Variants in CDCA7L observed in about 807,000 individuals in gnomAD.
CDCA7L encodes the protein cell division cycle-associated 7-like protein.
Under a neutral mutation model 57.4 loss-of-function variants are expected in CDCA7L, and 44 were observed. The ratio of observed to expected loss-of-function variants is 0.77; its 90% confidence interval spans 0.60 to 0.98. The LOEUF is 0.98. Ranked by LOEUF, CDCA7L falls within the 50% of genes least tolerant of loss-of-function variation. CDCA7L has a pLI of 0.00. For synonymous variants in CDCA7L, 236 were observed against 202.8 expected (o/e 1.16, Z -1.39); for missense variants, 644 against 580.6 (o/e 1.11, Z -1.12).
chr7:21,912,235 G>C lies in CDCA7L; in HGVS notation c.166-481C>G, dbSNP rs79488790. ...TGCACACCAATGCACTCCAGCCTGC[G>C]TTGCAGCCAAGATCACACCATTGCA... On this transcript the variant is annotated intron_variant, in intron 2 of 9. Transcript: ENST00000406877. 7.3e-3 allele frequency among the ~76,000 whole-genome samples: 1,109 copies of C among 152,152 alleles called. 16 individuals carry two copies. The highest frequency in any genetic ancestry group is 0.025 in the African/African-American group (1,045 of 41,518).
At chr7:21,944,331 A>C (rs1786438260) in intron 1 of CDCA7L, among the ~76,000 whole-genome samples, 1 of 150,854 alleles carries the variant, frequency 6.6e-6, no homozygotes. Context: ...GGCGCCTGTA[A>C]TCCCAGCTAC....
chr7:21,901,242 T>G lies in CDCA7L; in HGVS notation c.*1080A>C. 1 of 1,611,702 alleles carries G rather than the reference T, an allele frequency of 6.2e-7. No individual in the cohort carries two copies. The highest frequency in any genetic ancestry group is 8.5e-7 in the Non-Finnish European group (1 of 1,178,596). On this transcript the variant is annotated 3_prime_UTR_variant, in exon 10 of 10. Transcript: ENST00000406877. ...GGGTTCTGGCTGGAGTGGCTCTGCT[T>G]CTAGAAGCGTAAGGTAACACTGGCA...
chr7:21,938,563 A>G (rs923937698), intron 1 of CDCA7L, among the ~76,000 whole-genome samples: 3 of 152,222 alleles, frequency 2.0e-5, no homozygotes, highest in African/African-American at 7.2e-5. Context: ...CACACCCAGA[A>G]CAACTGAAAG....
intron 1 of CDCA7L, among the ~76,000 whole-genome samples, chr7:21,921,374 G>C (rs1030476338): frequency 2.2e-5 from 3 of 137,458 alleles, no homozygotes; most frequent in Non-Finnish European, 4.6e-5. Flanking sequence ...AAATATTCAA[G>C]TGTCCTCAAT....
intron 1 of CDCA7L, among the ~76,000 whole-genome samples, chr7:21,917,386 T>C (rs942289637): frequency 1.3e-5 from 2 of 152,198 alleles, no homozygotes; most frequent in African/African-American, 4.8e-5. Flanking sequence ...CTTTTCTTCT[T>C]TTCTATATTG....
intron 4 of CDCA7L, among the ~76,000 whole-genome samples, chr7:21,907,448 G>A (rs1002696945): frequency 2.6e-5 from 4 of 151,508 alleles, no homozygotes; most frequent in Non-Finnish European, 5.9e-5. Flanking sequence ...ATGCTAAAAG[G>A]GATAAGTGGT....
intron 1 of CDCA7L, among the ~76,000 whole-genome samples, chr7:21,931,968 G>T (rs998245625): frequency 2.0e-5 from 3 of 152,114 alleles, no homozygotes; most frequent in African/African-American, 7.2e-5. Context: ...AAAGTCTCTG[G>T]ATACAAAATT....
chr7:21,933,355 GTTTA>G (rs1396493846), intron 1 of CDCA7L, among the ~76,000 whole-genome samples: 1 of 152,174 alleles, frequency 6.6e-6, no homozygotes, highest in African/African-American at 2.4e-5. Flanking sequence ...GCACATGTAT[GTTTA>G]TTGTGGCACT....
chr7:21,915,042 A>T (rs1785437317), intron 2 of CDCA7L, among the ~76,000 whole-genome samples: 2 of 152,192 alleles, frequency 1.3e-5, no homozygotes, highest in South Asian at 4.1e-4. Context: ...TGGAGGGCTA[A>T]GGGAGGAGCT....
intron 3 of CDCA7L, among the ~76,000 whole-genome samples, chr7:21,908,764 G>A (rs1785220240): frequency 6.6e-6 from 1 of 152,172 alleles, no homozygotes; most frequent in South Asian, 2.1e-4. Context: ...TTCAGAGCAT[G>A]AGGGCTGTAA....
At chr7:21,923,350 G>A (rs1771379799) in intron 1 of CDCA7L, among the ~76,000 whole-genome samples, 1 of 152,006 alleles carries the variant, frequency 6.6e-6, no homozygotes, top group Non-Finnish European at 1.5e-5. Context: ...AAATCAGCTG[G>A]GTTGTGGTGG....
At chr7:21,920,678 A>G (rs2128063420) in intron 1 of CDCA7L, among the ~76,000 whole-genome samples, 1 of 152,350 alleles carries the variant, frequency 6.6e-6, no homozygotes, top group East Asian at 1.9e-4. Flanking sequence ...ATTCTTGGGG[A>G]AAATATTGAA....
intron 1 of CDCA7L, among the ~76,000 whole-genome samples, chr7:21,940,610 A>T (rs2128071143): frequency 6.6e-6 from 1 of 152,358 alleles, no homozygotes; most frequent in Admixed American, 6.5e-5. Context: ...CACCTGAGCC[A>T]GCGGTGGGGG....
At chr7:21,902,408 C>T in intron 9 of CDCA7L, 56 bp from the exon 10 acceptor site, 1 of 1,531,892 alleles carries the variant, frequency 6.5e-7, no homozygotes, top group South Asian at 1.1e-5. Context: ...AAATGGCATT[C>T]TAGGCTTGAG....
intron 1 of CDCA7L, among the ~76,000 whole-genome samples, chr7:21,929,354 C>T (rs1201578486): frequency 6.6e-6 from 1 of 152,052 alleles, no homozygotes; most frequent in African/African-American, 2.4e-5. Context: ...CAAAAACATA[C>T]CAAATTATAA....
At chr7:21,943,111 T>C (rs891419302) in intron 1 of CDCA7L, among the ~76,000 whole-genome samples, 15 of 152,226 alleles carry the variant, frequency 9.9e-5, no homozygotes, top group Non-Finnish European at 2.2e-4. Context: ...AGCTGCACTG[T>C]TGACAGCTCT....
chr7:21,918,594 A>AT (rs1265651539), intron 1 of CDCA7L, among the ~76,000 whole-genome samples: 6 of 151,720 alleles, frequency 4.0e-5, no homozygotes, highest in Non-Finnish European at 7.4e-5. Context: ...CTGAAGTTTT[A>AT]TTTTTTTTGC....
chr7:21,902,581 A>AGATTCAGAGTTT, intron 9 of CDCA7L: 3 of 578,132 alleles, frequency 5.2e-6, no homozygotes, highest in South Asian at 2.2e-5. Flanking sequence ...AGAGTTTATT[A>AGATTCAGAGTTT]ATTACATAAA....
At chr7:21,906,720 C>T in intron 4 of CDCA7L, 81 bp from the exon 5 acceptor site, 1 of 1,350,054 alleles carries the variant, frequency 7.4e-7, no homozygotes, top group Non-Finnish European at 1.1e-6. Flanking sequence ...TCAAGTCTTC[C>T]ATTTTGCCAC....
Sources: gnomAD v4.1 joint callset for allele counts (sites outside exome capture counted in the v4.1 genomes callset) on GRCh38, gnomAD v4.1.1 for gene constraint, MANE v1.5 for transcripts, NCBI Gene and HGNC (gene_info 2026-07-23, HGNC 2026-07-21) for gene names.